DMD: variants seen among roughly 807,000 people sequenced by gnomAD.
The protein encoded by DMD is dystrophin.
A neutral mutation model predicts 330.1 loss-of-function variants in DMD; 63 were observed. The ratio of observed to expected loss-of-function variants is 0.19; its 90% CI spans 0.16 to 0.24. DMD has a LOEUF of 0.24. Among genes scored for constraint, DMD ranks in the 10% least tolerant of loss-of-function variants. DMD has a pLI of 1.00. For missense variants in DMD, 3,344 were observed against 2,684.1 expected (o/e 1.25, Z -5.43); for synonymous variants, 1,223 against 959.8 (o/e 1.27, Z -5.07).
intron 2 of DMD, among the ~76,000 whole-genome samples, chrX:32,960,853 G>A (rs1342665098): frequency 3.9e-5 from 4 of 102,340 alleles, no homozygotes; most frequent in Non-Finnish European, 5.9e-5. Flanking sequence ...AGATAAAACC[G>A]TGCACGCCAA....
At chrX:32,871,966 A>T (rs1423419332) in intron 2 of DMD, among the ~76,000 whole-genome samples, 1 of 111,047 alleles carries the variant, frequency 9.0e-6, no homozygotes, top group East Asian at 2.8e-4. Context: ...GCGAGACTGA[A>T]AGTATGCTTC....
intron 62 of DMD, among the ~76,000 whole-genome samples, chrX:31,296,922 A>C (rs1197990199): frequency 3.6e-5 from 4 of 112,096 alleles, no homozygotes; most frequent in African/African-American, 1.3e-4. Context: ...ACAATTAGCT[A>C]TTCTTAGTCA....
At chrX:32,877,760 G>A (rs924262386) in intron 2 of DMD, among the ~76,000 whole-genome samples, 1 of 111,805 alleles carries the variant, frequency 8.9e-6, no homozygotes, top group African/African-American at 3.3e-5. Context: ...TAGTCTTAAG[G>A]CAATGACTGG....
intron 61 of DMD, among the ~76,000 whole-genome samples, chrX:31,326,338 T>C (rs1427797641): frequency 9.0e-6 from 1 of 111,436 alleles, no homozygotes; most frequent in Non-Finnish European, 1.9e-5. Context: ...TTAAAAATAT[T>C]ATAAATTCTA....
chrX:31,133,427 G>A (rs937243612), intron 77 of DMD, among the ~76,000 whole-genome samples: 18 of 111,998 alleles, frequency 1.6e-4, no homozygotes, highest in African/African-American at 5.8e-4. Context: ...GACATCTGAA[G>A]CTCATGCAAG....
At chrX:32,560,209 T>C (rs1385282587) in intron 16 of DMD, among the ~76,000 whole-genome samples, 1 of 108,370 alleles carries the variant, frequency 9.2e-6, no homozygotes, top group Non-Finnish European at 1.9e-5. Context: ...TATATATATA[T>C]GCTTACACCA....
intron 67 of DMD, among the ~76,000 whole-genome samples, chrX:31,196,225 G>C (rs1286696454): frequency 9.0e-6 from 1 of 111,628 alleles, no homozygotes; most frequent in African/African-American, 3.3e-5. Flanking sequence ...TTCATGAGCA[G>C]GCCCAGTAAG....
chrX:32,863,537 T>C (rs865922066), intron 2 of DMD, among the ~76,000 whole-genome samples: 19 of 78,245 alleles, frequency 2.4e-4, no homozygotes, highest in African/African-American at 6.3e-4. Context: ...ATTGTGTTTA[T>C]ACACACACAC....
At chrX:31,170,597 T>G (rs2039896755) in intron 73 of DMD, among the ~76,000 whole-genome samples, 1 of 111,746 alleles carries the variant, frequency 8.9e-6, no homozygotes, top group South Asian at 3.7e-4. Flanking sequence ...TATCAGAAAT[T>G]TAGGAAAAAG....
At chrX:31,257,530 A>C (rs2050083790) in intron 63 of DMD, among the ~76,000 whole-genome samples, 1 of 112,253 alleles carries the variant, frequency 8.9e-6, no homozygotes, top group African/African-American at 3.2e-5. Context: ...CTAATAAGTA[A>C]AAACTAAAAT....
At chrX:31,964,136 T>G (rs1265786193) in intron 45 of DMD, among the ~76,000 whole-genome samples, 1 of 111,692 alleles carries the variant, frequency 9.0e-6, no homozygotes, top group Non-Finnish European at 1.9e-5. Flanking sequence ...GAAGTCTTAT[T>G]TAGACCTAAC....
chrX:32,187,055 C>A (rs1224633779), intron 44 of DMD, among the ~76,000 whole-genome samples: 1 of 110,051 alleles, frequency 9.1e-6, no homozygotes, highest in Non-Finnish European at 1.9e-5. Context: ...TTAGCATCAA[C>A]TGACCAAAGC....
chrX:33,036,094 T>C (rs1250964591), intron 1 of DMD, among the ~76,000 whole-genome samples: 2 of 110,278 alleles, frequency 1.8e-5, no homozygotes, highest in South Asian at 3.7e-4. Context: ...AGATTGTAAT[T>C]AGTATGATGC....
intron 62 of DMD, among the ~76,000 whole-genome samples, chrX:31,313,180 AG>A (rs1235446110): frequency 1.8e-5 from 2 of 109,138 alleles, no homozygotes; most frequent in Admixed American, 9.8e-5. Context: ...AAAAAAAAAA[AG>A]AAATACTTTG....
intron 44 of DMD, among the ~76,000 whole-genome samples, chrX:32,121,755 G>A (rs755488949): frequency 9.9e-6 from 1 of 101,329 alleles, no homozygotes; most frequent in African/African-American, 3.6e-5. Flanking sequence ...GTGTGTGTGT[G>A]TATACACACA....
At chrX:32,651,305 G>A (rs998401436) in intron 9 of DMD, among the ~76,000 whole-genome samples, 1 of 109,216 alleles carries the variant, frequency 9.2e-6, no homozygotes, top group African/African-American at 3.3e-5. Context: ...ACCACACCGG[G>A]CTAATTTTTA....
intron 1 of DMD, among the ~76,000 whole-genome samples, chrX:33,121,316 C>T (rs766557588): frequency 6.0e-4 from 66 of 109,144 alleles, no homozygotes; most frequent in African/African-American, 2.0e-3. Flanking sequence ...CCGAAACCTC[C>T]GCCTCCCAGG....
chrX:33,108,760 T>A (rs2095313401), intron 1 of DMD, among the ~76,000 whole-genome samples: 1 of 102,708 alleles, frequency 9.7e-6, no homozygotes, highest in Admixed American at 1.1e-4. Flanking sequence ...CAACTACTCA[T>A]GAGGCTGAGG....
chrX:32,187,857 C>T (rs1039507318), intron 44 of DMD, among the ~76,000 whole-genome samples: 1 of 110,773 alleles, frequency 9.0e-6, no homozygotes, highest in South Asian at 3.7e-4. Flanking sequence ...AGCACGAACA[C>T]GGTATTTAAA....
Sources: gnomAD v4.1 joint callset for allele counts (sites outside exome capture counted in the v4.1 genomes callset) on GRCh38, gnomAD v4.1.1 for gene constraint, MANE v1.5 for transcripts, NCBI Gene and HGNC (gene_info 2026-07-23, HGNC 2026-07-21) for gene names.